The following UBE2V2 variants were observed in gnomAD, a reference collection of about 807,000 sequenced individuals.
The protein encoded by UBE2V2 is ubiquitin conjugating enzyme E2 V2.
In UBE2V2, 9 loss-of-function variants were observed where a neutral mutation model predicts 17.2. The observed-to-expected ratio is 0.52, with a 90% CI of 0.32 to 0.91. UBE2V2 has a LOEUF of 0.91. UBE2V2 is among the 40% of genes least tolerant of loss of function. The probability of loss-of-function intolerance (pLI) is 0.04; values close to 1 mark genes in which losing one functional copy is unlikely to be tolerated. For missense variants in UBE2V2, 133 were observed against 182.6 expected (o/e 0.73, Z 1.56); for synonymous variants, 61 against 57.5 (o/e 1.06, Z -0.28).
At chr8:48,014,853 A>G (rs2091257860) in intron 1 of UBE2V2, among the ~76,000 whole-genome samples, 2 of 149,892 alleles carry the variant, frequency 1.3e-5, no homozygotes, top group East Asian at 4.0e-4. Context: ...GATCAAGACC[A>G]TCCTGGCTAA....
chr8:48,032,717 T>C (rs934953879), intron 1 of UBE2V2, among the ~76,000 whole-genome samples: 11 of 152,102 alleles, frequency 7.2e-5, no homozygotes, highest in South Asian at 2.1e-4. Flanking sequence ...GGCGACAGAG[T>C]CCCTGTCTCA....
At chr8:48,014,802 G>C (rs547006246) in intron 1 of UBE2V2, among the ~76,000 whole-genome samples, 2 of 151,808 alleles carry the variant, frequency 1.3e-5, no homozygotes, top group Non-Finnish European at 2.9e-5. Context: ...CGTAATCCTA[G>C]CACTTTGGGA....
intron 3 of UBE2V2, among the ~76,000 whole-genome samples, chr8:48,052,656 G>A (rs759628907): frequency 6.6e-6 from 1 of 152,102 alleles, no homozygotes; most frequent in Non-Finnish European, 1.5e-5. Context: ...ATCCCTTCCA[G>A]TCTTTCCAAA....
chr8:48,056,588 C>T (rs543629161), intron 3 of UBE2V2, among the ~76,000 whole-genome samples: 5 of 152,264 alleles, frequency 3.3e-5, no homozygotes, highest in South Asian at 2.1e-4. Flanking sequence ...GACAGGGTTT[C>T]GTCATCTTGG....
chr8:48,041,751 A>T (rs2091465578), intron 1 of UBE2V2: 2 of 152,130 alleles, frequency 1.3e-5, no homozygotes, highest in South Asian at 4.1e-4. Context: ...CCTAAACTGA[A>T]TAAACTCTTA....
At chr8:48,027,886 C>T (rs548826030) in intron 1 of UBE2V2, among the ~76,000 whole-genome samples, 62 of 152,074 alleles carry the variant, frequency 4.1e-4, no homozygotes, top group Admixed American at 1.1e-3. Flanking sequence ...GACGGAGTCT[C>T]GCTCTCGCCC....
intron 1 of UBE2V2, among the ~76,000 whole-genome samples, chr8:48,039,604 G>A (rs1172602087): frequency 6.6e-6 from 1 of 151,998 alleles, no homozygotes; most frequent in Non-Finnish European, 1.5e-5. Context: ...TCCTTTTTCA[G>A]TCTGTGGCTT....
chr8:48,038,318 T>C (rs957256570), intron 1 of UBE2V2, among the ~76,000 whole-genome samples: 1 of 152,066 alleles, frequency 6.6e-6, no homozygotes, highest in East Asian at 1.9e-4. Context: ...TTATTATTTG[T>C]ATTTATTTAT....
intron 3 of UBE2V2, among the ~76,000 whole-genome samples, chr8:48,059,292 T>G (rs982179681): frequency 8.6e-5 from 13 of 152,012 alleles, no homozygotes; most frequent in African/African-American, 3.1e-4. Context: ...TATGGCCTTC[T>G]CAGCTCTTTC....
intron 2 of UBE2V2, among the ~76,000 whole-genome samples, chr8:48,044,225 A>G (rs1366095340): frequency 6.6e-6 from 1 of 152,166 alleles, no homozygotes; most frequent in South Asian, 2.1e-4. Context: ...CAGTGGTGTG[A>G]TCTCAGCATA....
chr8:48,013,310 CTTT>C (rs35999178), intron 1 of UBE2V2, among the ~76,000 whole-genome samples: 3 of 142,428 alleles, frequency 2.1e-5, no homozygotes, highest in Non-Finnish European at 3.1e-5. Flanking sequence ...TAACGTGAAA[CTTT>C]TTTTTTTTTT....
chr8:48,050,087 A>G (rs1281006357), intron 3 of UBE2V2, 109 bp downstream of exon 3: 2 of 822,304 alleles, frequency 2.4e-6, no homozygotes, highest in Non-Finnish European at 3.4e-6. Flanking sequence ...GTTAGGAGAA[A>G]GTTTTTAAAA....
intron 2 of UBE2V2, 136 bp from the exon 3 acceptor site, chr8:48,049,717 A>G: frequency 1.4e-6 from 1 of 734,912 alleles, no homozygotes; most frequent in South Asian, 2.8e-5. Context: ...ATTTGAATGT[A>G]GAAAAATAAA....
At chr8:47,999,600 T>C in the UBE2V2 span, among the ~76,000 whole-genome samples, 1 of 152,090 alleles carries the variant, frequency 6.6e-6, no homozygotes, top group Non-Finnish European at 1.5e-5. Context: ...GACCTTGTGA[T>C]CTGCATGCCT....
At chr8:48,003,236 G>C in the UBE2V2 span, among the ~76,000 whole-genome samples, 2 of 150,890 alleles carry the variant, frequency 1.3e-5, no homozygotes, top group African/African-American at 4.9e-5. Flanking sequence ...AAAAAAGAGA[G>C]AATTTAGTTC....
At chr8:48,039,956 C>T (rs999043808) in intron 1 of UBE2V2, among the ~76,000 whole-genome samples, 5 of 151,968 alleles carry the variant, frequency 3.3e-5, no homozygotes, top group African/African-American at 1.2e-4. Context: ...TTTCCAACTC[C>T]TGGGCTCAGT....
At chr8:48,026,860 C>T (rs1484580490) in intron 1 of UBE2V2, among the ~76,000 whole-genome samples, 1 of 152,174 alleles carries the variant, frequency 6.6e-6, no homozygotes, top group Non-Finnish European at 1.5e-5. Context: ...GGGAATAAGG[C>T]TGCTGTAAAC....
intron 1 of UBE2V2, among the ~76,000 whole-genome samples, chr8:48,008,968 G>A (rs1200609863): frequency 6.6e-6 from 1 of 152,192 alleles, no homozygotes; most frequent in Non-Finnish European, 1.5e-5. Context: ...ATAAGAGCGA[G>A]AGGATCTTTC....
intron 1 of UBE2V2, chr8:48,042,739 A>G (rs1691359548): frequency 1.5e-5 from 3 of 202,322 alleles, no homozygotes; most frequent in Non-Finnish European, 3.0e-5. Flanking sequence ...AGAAACATCA[A>G]ATAGGGAAAA....
Sources: gnomAD v4.1 joint callset for allele counts (sites outside exome capture counted in the v4.1 genomes callset) on GRCh38, gnomAD v4.1.1 for gene constraint, MANE v1.5 for transcripts, NCBI Gene and HGNC (gene_info 2026-07-23, HGNC 2026-07-21) for gene names.